RGSL1: variants seen among roughly 807,000 people sequenced by gnomAD.
RGSL1 encodes the protein regulator of G protein signaling like 1.
In RGSL1, 97 loss-of-function variants were observed where a neutral mutation model predicts 124.7. That is an observed-to-expected ratio of 0.78 (90% CI 0.66 to 0.92). The LOEUF is 0.92. Among genes scored for constraint, RGSL1 ranks in the 40% least tolerant of loss-of-function variants. The pLI is 0.00. For synonymous variants in RGSL1, 424 were observed against 438.1 expected, an observed-to-expected ratio of 0.97 and a Z score of 0.40; for missense variants, 1,233 against 1,288.4, an observed-to-expected ratio of 0.96 and a Z score of 0.66.
rs1391505228 is a variant in RGSL1 at position 182,553,311 on chromosome 1, A to AAGATTT, written c.3044-133_3044-128dup. On this transcript the variant is annotated intron_variant, in intron 18 of 21. Coordinates refer to ENST00000294854, the MANE Select transcript of RGSL1 (RefSeq NM_001137669.2). ...TTCAAACCATAGCATCTCACATGCAAAGATTTAGATTTAGATAATGTTTTA... is the reference window on the plus strand; with the variant it reads ...TTCAAACCATAGCATCTCACATGCAAAGATTTAGATTTAGATTTAGATAATGTTTTA... The AAGATTT allele has an allele frequency of 1.4e-5, 9 of 652,470 alleles. No individual in the cohort carries two copies. The South Asian group carries it at 1.4e-4, about 10-fold the overall frequency. The allele number at this position is 652,470 out of a possible 1,614,324, so 40.4% of individuals were successfully genotyped here. A position where few individuals can be genotyped will look rare whatever the true frequency, so the allele number is the denominator to read the frequency against.
chr1:182,477,804 T>C (rs963009837), intron 6 of RGSL1, among the ~76,000 whole-genome samples: 4 of 152,176 alleles, frequency 2.6e-5, no homozygotes, highest in Admixed American at 6.5e-5. Context: ...CCAGAATCTC[T>C]GACTGGCTAA....
At chr1:182,488,143 C>A in intron 6 of RGSL1, 142 bp from the exon 7 acceptor site, 1 of 733,796 alleles carries the variant, frequency 1.4e-6, no homozygotes, top group Non-Finnish European at 2.2e-6. Flanking sequence ...TTGGTCATAG[C>A]TAATGTTTGC....
chr1:182,454,098 A>C, intron 2 of RGSL1, 58 bp downstream of exon 2: 90 of 1,017,428 alleles, frequency 8.8e-5, no homozygotes, highest in Middle Eastern at 2.0e-4. Flanking sequence ...AGTGAATCTC[A>C]CAGAGCTGAG....
In RGSL1 at chr1:182,554,985, T is replaced by G. The variant is rs1041353470; in HGVS notation, c.3197+292T>G. The G allele has an allele frequency of 1.3e-5, 5 of 379,568 alleles. No individual in the cohort carries two copies. The Admixed American group carries it at 2.0e-4, about 15-fold the overall frequency. 23.5% of individuals were successfully genotyped at this position (379,568 alleles called of 1,614,324 possible). A position where few individuals can be genotyped will look rare whatever the true frequency, so the allele number is the denominator to read the frequency against. The stretch of plus-strand genomic sequence containing the variant: ...AGTGTCCCAGATGATCTTTGATTTT[T>G]ATTTTTCATTTTTATAGATTTAAGG... On this transcript the variant is annotated intron_variant, in intron 20 of 21. Transcript: ENST00000294854.
At position 182,522,070 on chromosome 1, in the gene RGSL1, T is replaced by C; in HGVS notation, c.1892T>C (p.Leu631Pro). ...VSRSNRKMSLLKRTLVRKPSM... is the reference protein window; with the variant it reads ...VSRSNRKMSLPKRTLVRKPSM... ...CGCTCAAATAGGAAAATGTCCTTGC[T>C]CAAAAGAACTCTTGTAAGGAAGCCA... The change falls in exon 10 of 22, where the codon CTC becomes CCC. Residue 631 changes from leucine to proline, a missense_variant. By Grantham distance (98) the Leu-to-Pro change is moderately conservative. Transcript: ENST00000294854. 6.5e-7 allele frequency: 1 copy of C among 1,550,034 alleles called. No individual in the cohort carries two copies. Among genetic ancestry groups the C allele is most frequent in the South Asian group, 1.2e-5 (1 of 83,604 alleles).
At position 182,548,755 on chromosome 1, in the gene RGSL1, AC is replaced by A. The variant is rs1660380815; in HGVS notation, c.2866del (p.Leu956Ter). ...ATCCTTGCTGCCATCACAGAGGGCTACCTAGATCGGAGCGTCTTCCATGGGG... is the reference window on the plus strand; with the variant it reads ...ATCCTTGCTGCCATCACAGAGGGCTACTAGATCGGAGCGTCTTCCATGGGG... ...DAILAAITEGYLDRSVFHGAI... is the reference protein window; with the variant it reads ...DAILAAITEGXLDRSVFHGAI... On this transcript the variant is annotated frameshift_variant, in exon 17 of 22. Transcript: ENST00000294854. LOFTEE classifies it high-confidence loss of function. 2.6e-6 allele frequency: 4 copies of A among 1,551,602 alleles called. No homozygotes were observed. The East Asian group carries it at 9.8e-5, about 38-fold the overall frequency.
chr1:182,474,220 T>C lies in RGSL1; in HGVS notation c.1109T>C (p.Ile370Thr). ...AAGCAAAGCTTCTCCTTAGGATACA[T>C]CCACTTGGCCTTGTGTGCTGATGCC... ...AIKQSFSLGY[I>T]HLALCADACA... The change falls in exon 6 of 22, where the codon ATC becomes ACC. Residue 370 changes from isoleucine (I) to threonine (T), a missense_variant. Physicochemically the swap from Ile to Thr is moderately conservative, Grantham distance 89. Transcript: ENST00000294854. The C allele has an allele frequency of 1.3e-6, 2 of 1,551,956 alleles. No homozygotes were observed. Among genetic ancestry groups the C allele is most frequent in the Non-Finnish European group, 1.7e-6 (2 of 1,147,036 alleles).
At chr1:182,548,556 T>A (rs951064612) in intron 16 of RGSL1, 101 bp downstream of exon 16, 1 of 1,515,308 alleles carries the variant, frequency 6.6e-7, no homozygotes, top group Non-Finnish European at 8.9e-7. Flanking sequence ...AAGTCCTGGC[T>A]AACTACATAT....
At chr1:182,547,741 G>C (rs554563986) in intron 15 of RGSL1, among the ~76,000 whole-genome samples, 2 of 152,058 alleles carry the variant, frequency 1.3e-5, no homozygotes, top group Non-Finnish European at 2.9e-5. Flanking sequence ...GACGCCTGTA[G>C]TCCCAGCTAC....
In RGSL1 at chr1:182,474,456, TC is replaced by T. The variant is rs1654125384; in HGVS notation, c.1348del (p.Gln450LysfsTer6). 1.3e-6 allele frequency: 2 copies of T among 1,551,880 alleles called. No homozygotes were observed. The highest frequency in any genetic ancestry group is 1.4e-5 in the African/African-American group (1 of 73,116). ...GATTGGTCCGTGCTTACCACTCAAATCCCAAACCATTCAGGGCCTGAAGGAA... is the reference window on the plus strand; with the variant it reads ...GATTGGTCCGTGCTTACCACTCAAATCCAAACCATTCAGGGCCTGAAGGAA... ...EQIGPCLPLK[S>X]QTIQGLKELL... is the part of the protein sequence containing the mutation. On this transcript the variant is annotated frameshift_variant, in exon 6 of 22. Coordinates refer to ENST00000294854, the MANE Select transcript of RGSL1 (RefSeq NM_001137669.2). LOFTEE classifies it high-confidence loss of function.
intron 2 of RGSL1, among the ~76,000 whole-genome samples, chr1:182,457,422 G>A (rs1043942825): frequency 6.6e-6 from 1 of 152,184 alleles, no homozygotes; most frequent in African/African-American, 2.4e-5. Flanking sequence ...GTGCAGAGCA[G>A]AGAGAGATCC....
chr1:182,452,317 T>A (rs1651909242), intron 1 of RGSL1, among the ~76,000 whole-genome samples: 1 of 152,046 alleles, frequency 6.6e-6, no homozygotes, highest in African/African-American at 2.4e-5. Flanking sequence ...GGACTGCTTA[T>A]AAAAAGAAGA....
chr1:182,490,630 T>C (rs1443820821), intron 8 of RGSL1, among the ~76,000 whole-genome samples: 1 of 152,196 alleles, frequency 6.6e-6, no homozygotes, highest in Non-Finnish European at 1.5e-5. Context: ...GATGAAAAGA[T>C]GGCTGGTAAG....
At chr1:182,492,973 C>A in intron 8 of RGSL1, 49 bp from the exon 9 acceptor site, 2 of 1,277,442 alleles carry the variant, frequency 1.6e-6, no homozygotes, top group South Asian at 1.3e-5. Flanking sequence ...ATCTTTGAAC[C>A]CAGACTTTGG....
At chr1:182,518,107 A>C (rs1658035246) in intron 9 of RGSL1, among the ~76,000 whole-genome samples, 1 of 152,178 alleles carries the variant, frequency 6.6e-6, no homozygotes, top group Non-Finnish European at 1.5e-5. Context: ...TGGTACAAAC[A>C]TGGCTCACTG....
intron 6 of RGSL1, among the ~76,000 whole-genome samples, chr1:182,484,653 T>G (rs1311660690): frequency 6.6e-6 from 1 of 152,152 alleles, no homozygotes; most frequent in Non-Finnish European, 1.5e-5. Flanking sequence ...AGTGTGCCAT[T>G]TCAGTTCAGG....
rs1364690900 is a variant in RGSL1 at position 182,509,660 on chromosome 1, G to T, written c.1826-12344G>T. Among the ~76,000 whole-genome samples the T allele has an allele frequency of 1.5e-5, 2 of 132,904 alleles. 1 individual carries two copies. The highest frequency in any genetic ancestry group is 3.3e-5 in the Non-Finnish European group (2 of 60,920). 87.2% of individuals were successfully genotyped at this position (132,904 alleles called of 152,430 possible). On this transcript the variant is annotated intron_variant, in intron 9 of 21. Transcript: ENST00000294854. ...CCTCCCGGACGGGGCGGCTGGCCGG[G>T]CGGGGGGCTGAACCCCCCACCTCCC...
At chr1:182,540,799 T>C (rs1659844933) in intron 15 of RGSL1, among the ~76,000 whole-genome samples, 1 of 152,190 alleles carries the variant, frequency 6.6e-6, no homozygotes, top group South Asian at 2.1e-4. Context: ...CTGTATGACA[T>C]TAAACAGATA....
chr1:182,454,686 TCTGCTCTAC>T (rs1219805015), intron 2 of RGSL1, among the ~76,000 whole-genome samples: 6 of 152,010 alleles, frequency 3.9e-5, no homozygotes, highest in African/African-American at 1.5e-4. Context: ...GATTATTTAT[TCTGCTCTAC>T]TCCCTTTACC....
Sources: allele counts gnomAD v4.1 joint callset (sites outside exome capture counted in the v4.1 genomes callset), GRCh38; gene constraint gnomAD v4.1.1; transcripts MANE v1.5; gene names NCBI Gene and HGNC (gene_info 2026-07-23, HGNC 2026-07-21).